Variants in IL1RAPL1 observed in about 807,000 individuals in gnomAD.
IL1RAPL1 encodes the protein interleukin 1 receptor accessory protein like 1.
In IL1RAPL1, 3 loss-of-function variants were observed where a neutral mutation model predicts 48.4. The observed-to-expected ratio is 0.06, with a 90% CI of 0.03 to 0.16. IL1RAPL1 has a LOEUF of 0.16. Among genes scored for constraint, IL1RAPL1 ranks in the 10% least tolerant of loss-of-function variants. IL1RAPL1 has a pLI of 1.00. For synonymous variants in IL1RAPL1, 185 were observed against 187.7 expected (o/e 0.99, Z 0.12); for missense variants, 349 against 530.6 (o/e 0.66, Z 3.36).
chrX:29,011,065 C>T (rs1212748663), intron 2 of IL1RAPL1, among the ~76,000 whole-genome samples: 3 of 111,792 alleles, frequency 2.7e-5, no homozygotes, highest in African/African-American at 9.7e-5. Flanking sequence ...AACTTATGTT[C>T]CAGTTCTTAT....
intron 1 of IL1RAPL1, among the ~76,000 whole-genome samples, chrX:28,647,847 G>T (rs1385041608): frequency 6.3e-5 from 7 of 111,872 alleles, no homozygotes; most frequent in South Asian, 7.4e-4. Flanking sequence ...CTTTAATATG[G>T]AGCAGAAATG....
At chrX:29,766,706 T>TAATATATA (rs1555918228) in intron 6 of IL1RAPL1, among the ~76,000 whole-genome samples, 10 of 99,751 alleles carry the variant, frequency 1.0e-4, no homozygotes, top group African/African-American at 3.7e-4. Flanking sequence ...ATATATAATA[T>TAATATATA]ATAATATATG....
chrX:28,945,111 G>A (rs745508628), intron 2 of IL1RAPL1, among the ~76,000 whole-genome samples: 2 of 111,408 alleles, frequency 1.8e-5, no homozygotes, highest in East Asian at 2.8e-4. Flanking sequence ...ATAAATTCTG[G>A]CGAGGCTATG....
At chrX:28,761,733 G>A (rs1171483473) in intron 1 of IL1RAPL1, among the ~76,000 whole-genome samples, 2 of 111,250 alleles carry the variant, frequency 1.8e-5, no homozygotes, top group Admixed American at 1.9e-4. Flanking sequence ...ATGTACCCCC[G>A]AATCTAAAAT....
At chrX:29,520,428 A>G (rs1193259587) in intron 5 of IL1RAPL1, among the ~76,000 whole-genome samples, 3 of 112,178 alleles carry the variant, frequency 2.7e-5, no homozygotes, top group African/African-American at 9.7e-5. Flanking sequence ...CTGATTAAAA[A>G]TTTCCCATTC....
At chrX:28,833,907 C>T (rs1190521522) in intron 2 of IL1RAPL1, among the ~76,000 whole-genome samples, 1 of 111,463 alleles carries the variant, frequency 9.0e-6, no homozygotes, top group East Asian at 2.8e-4. Context: ...GTTCAAATAT[C>T]ATTTTATAAT....
At chrX:29,252,224 C>T (rs1373615168) in intron 2 of IL1RAPL1, among the ~76,000 whole-genome samples, 1 of 111,120 alleles carries the variant, frequency 9.0e-6, no homozygotes, top group Non-Finnish European at 1.9e-5. Flanking sequence ...ATGTAACTAA[C>T]CTGCACATTG....
At chrX:29,677,420 G>A (rs1045561770) in intron 6 of IL1RAPL1, among the ~76,000 whole-genome samples, 5 of 111,657 alleles carry the variant, frequency 4.5e-5, no homozygotes, top group Non-Finnish European at 5.7e-5. Context: ...GGTTTAAGAG[G>A]CTCTGTCCCC....
chrX:29,698,591 A>AAGGG lies in IL1RAPL1; in HGVS notation c.778+30103_778+30106dup, dbSNP rs949831180. ...AACAGAAGGATAGAAGGATAGAAGG[A>AAGGG]AGGGAGGGAGGGAGGGAGGAAGGAA... On this transcript the variant is annotated intron_variant, in intron 6 of 10. Coordinates refer to ENST00000378993, the MANE Select transcript of IL1RAPL1 (RefSeq NM_014271.4). Among the ~76,000 whole-genome samples, 13 of 107,693 alleles carry AAGGG rather than the reference A, an allele frequency of 1.2e-4. No individual in the cohort carries two copies. The East Asian group carries it at 1.6e-3, about 13-fold the overall frequency. The allele number at this position is 107,693 out of a possible 115,157, so 93.5% of individuals were successfully genotyped here. A position where few individuals can be genotyped will look rare whatever the true frequency, so the allele number is the denominator to read the frequency against.
chrX:29,571,018 G>A (rs1018625750), intron 5 of IL1RAPL1, among the ~76,000 whole-genome samples: 3 of 111,678 alleles, frequency 2.7e-5, no homozygotes, highest in African/African-American at 6.5e-5. Context: ...TCAGCAGATC[G>A]AGACCATCCT....
chrX:29,267,536 A>G (rs1045520687), intron 2 of IL1RAPL1, among the ~76,000 whole-genome samples: 6 of 111,826 alleles, frequency 5.4e-5, no homozygotes. Context: ...CCCACACATG[A>G]GAACTATCAA....
intron 5 of IL1RAPL1, among the ~76,000 whole-genome samples, chrX:29,417,476 T>A (rs192526960): frequency 6.6e-4 from 74 of 111,812 alleles, no homozygotes; most frequent in Non-Finnish European, 9.2e-4. Context: ...ACATTATGAA[T>A]TCTATGTAAG....
intron 2 of IL1RAPL1, among the ~76,000 whole-genome samples, chrX:28,818,119 C>T: frequency 9.2e-6 from 1 of 108,938 alleles, no homozygotes; most frequent in Middle Eastern, 4.6e-3. Flanking sequence ...TGCCAGCAAG[C>T]CAAATATTGA....
At chrX:28,963,986 T>C (rs1277524896) in intron 2 of IL1RAPL1, among the ~76,000 whole-genome samples, 1 of 111,890 alleles carries the variant, frequency 8.9e-6, no homozygotes, top group Admixed American at 9.5e-5. Context: ...GCATAAATTA[T>C]ACTCTATATT....
At chrX:28,665,736 C>T (rs1461012197) in intron 1 of IL1RAPL1, among the ~76,000 whole-genome samples, 2 of 111,825 alleles carry the variant, frequency 1.8e-5, no homozygotes, top group Non-Finnish European at 3.8e-5. Context: ...GGTGATCCAC[C>T]TGCCTAAGCC....
intron 6 of IL1RAPL1, among the ~76,000 whole-genome samples, chrX:29,707,289 T>A (rs1437708206): frequency 9.1e-6 from 1 of 110,134 alleles, no homozygotes; most frequent in Non-Finnish European, 1.9e-5. Flanking sequence ...AAAAAAAAAA[T>A]AGTTGTTGGC....
chrX:29,522,285 G>A (rs1005813352), intron 5 of IL1RAPL1, among the ~76,000 whole-genome samples: 3 of 110,874 alleles, frequency 2.7e-5, no homozygotes, highest in Non-Finnish European at 3.8e-5. Flanking sequence ...TCAGTGTCCC[G>A]AGTGGCTGGG....
chrX:29,930,570 G>C (rs1290195159), intron 8 of IL1RAPL1, among the ~76,000 whole-genome samples: 2 of 111,766 alleles, frequency 1.8e-5, no homozygotes, highest in African/African-American at 6.5e-5. Context: ...GATTCCATGT[G>C]ATCTTTAATT....
In IL1RAPL1 at chrX:29,955,421, A is replaced by C. The variant is rs374589974; in HGVS notation, c.1692A>C (p.Ile564=). ...AGTATGAAATGCCTTTTAAGAGGATAGAACCCATTACACATGAGCAGGCTT... is the reference window on the plus strand; with the variant it reads ...AGTATGAAATGCCTTTTAAGAGGATCGAACCCATTACACATGAGCAGGCTT... ...RLQYEMPFKR[I]EPITHEQALD... The change falls in exon 11 of 11, where the codon ATA becomes ATC. Residue 564 remains isoleucine, a synonymous_variant. Transcript: ENST00000378993. The C allele has an allele frequency of 4.1e-6, 5 of 1,209,306 alleles. No individual in the cohort carries two copies. In the African/African-American group the frequency reaches 7.0e-5, roughly 17 times the overall value.
Sources: allele counts gnomAD v4.1 joint callset (sites outside exome capture counted in the v4.1 genomes callset), GRCh38; gene constraint gnomAD v4.1.1; transcripts MANE v1.5; gene names NCBI Gene and HGNC (gene_info 2026-07-23, HGNC 2026-07-21).